TTC39C: variants seen among roughly 807,000 people sequenced by gnomAD.
TTC39C encodes the protein tetratricopeptide repeat domain 39C.
TTC39C carries 33 observed loss-of-function variants against 76.3 expected under a neutral mutation model. The observed-to-expected ratio is 0.43, with a 90% CI of 0.33 to 0.58. The LOEUF (loss-of-function observed/expected upper bound fraction) is 0.58, where lower values mean the gene tolerates loss of function less well. TTC39C is among the 20% of genes least tolerant of loss of function. The probability of loss-of-function intolerance (pLI) is 0.04; values close to 1 mark genes in which losing one functional copy is unlikely to be tolerated. For missense variants in TTC39C, 595 were observed against 701.4 expected, an observed-to-expected ratio of 0.85 and a Z score of 1.71; for synonymous variants, 254 against 260.6, an observed-to-expected ratio of 0.97 and a Z score of 0.24.
chr18:24,113,315 A>G (rs2035271702), intron 6 of TTC39C: 2 of 484,524 alleles, frequency 4.1e-6, no homozygotes, highest in South Asian at 2.8e-5. Flanking sequence ...CTGCTGACTC[A>G]TTGGTGCCCT....
At chr18:24,105,513 C>G (rs1323719350) in intron 6 of TTC39C, among the ~76,000 whole-genome samples, 1 of 152,196 alleles carries the variant, frequency 6.6e-6, no homozygotes, top group African/African-American at 2.4e-5. Flanking sequence ...CATGCCTGCA[C>G]ATACACATAC....
At chr18:24,098,013 C>G (rs1016034188) in intron 6 of TTC39C, among the ~76,000 whole-genome samples, 1 of 152,002 alleles carries the variant, frequency 6.6e-6, no homozygotes, top group Non-Finnish European at 1.5e-5. Flanking sequence ...ATTTTGAAGA[C>G]CCTGCCTATG....
Position 24,014,897 on chromosome 18 carries a change from C to T in TTC39C, c.26C>T (p.Pro9Leu), listed in dbSNP as rs2083431885. 6.7e-7 allele frequency: 1 copy of T among 1,489,792 alleles called. No homozygotes were observed. The highest frequency in any genetic ancestry group is 8.9e-7 in the Non-Finnish European group (1 of 1,120,936). 92.3% of individuals were successfully genotyped at this position (1,489,792 alleles called of 1,614,324 possible). The change falls in exon 1 of 14, where the codon CCG becomes CTG. Residue 9 changes from proline to leucine, a missense_variant. By Grantham distance (98) the Pro-to-Leu change is moderately conservative. Transcript: ENST00000317571. ...ATGGCCGGCTCGGAGCAGCAGCGGC[C>T]GCGGCGGCGGGACGACGGAGACTCG... MAGSEQQR[P>L]RRRDDGDSDA...
intron 1 of TTC39C, among the ~76,000 whole-genome samples, chr18:24,044,214 T>C (rs765194236): frequency 6.6e-6 from 1 of 152,032 alleles, no homozygotes; most frequent in Non-Finnish European, 1.5e-5. Context: ...CTTTCTAGGA[T>C]TTGAATCGGG....
intron 1 of TTC39C, among the ~76,000 whole-genome samples, chr18:24,046,395 G>A (rs2083885875): frequency 6.6e-6 from 1 of 151,730 alleles, no homozygotes; most frequent in Non-Finnish European, 1.5e-5. Flanking sequence ...ATCCACATAA[G>A]GCAGTATAAT....
At chr18:24,075,224 C>T (rs187175851) in intron 4 of TTC39C, among the ~76,000 whole-genome samples, 79 of 151,958 alleles carry the variant, frequency 5.2e-4, no homozygotes, top group Admixed American at 3.1e-3. Context: ...GGGTGCAGCA[C>T]ACCAACATGG....
chr18:24,096,260 A>G (rs2120571), intron 6 of TTC39C, among the ~76,000 whole-genome samples: 76,114 of 152,040 alleles, frequency 0.5, 19,780 homozygotes, highest in Non-Finnish European at 0.57. Flanking sequence ...AAAAAGTGGT[A>G]TCTGTGAAGT....
chr18:24,104,691 T>TGTGC (rs151277522), intron 6 of TTC39C, among the ~76,000 whole-genome samples: 7 of 140,294 alleles, frequency 5.0e-5, no homozygotes, highest in East Asian at 2.1e-4. Flanking sequence ...AGGGTGTTTG[T>TGTGC]GTGTGTGTGT....
At position 24,024,138 on chromosome 18, in the gene TTC39C, G is replaced by A. The variant is rs934404126; in HGVS notation, c.167+9100G>A. Among the ~76,000 whole-genome samples the A allele has an allele frequency of 3.1e-4, 45 of 145,648 alleles. 1 individual carries two copies. The highest frequency in any genetic ancestry group is 8.7e-4 in the African/African-American group (34 of 39,284). ...AGCAATTCTCCTGCCTCAGCCTCCC[G>A]AGTAGCTGGGACTACAGGTGTGTAC... On this transcript the variant is annotated intron_variant, in intron 1 of 13. Coordinates refer to ENST00000317571, the MANE Select transcript of TTC39C (RefSeq NM_001135993.2).
intron 1 of TTC39C, among the ~76,000 whole-genome samples, chr18:23,994,789 T>C (rs2083248121): frequency 6.6e-6 from 1 of 152,150 alleles, no homozygotes; most frequent in South Asian, 2.1e-4. Context: ...AAACTGCAAC[T>C]TGGCTGCACT....
chr18:24,018,878 A>T (rs986151207), intron 1 of TTC39C, among the ~76,000 whole-genome samples: 1 of 152,106 alleles, frequency 6.6e-6, no homozygotes, highest in Non-Finnish European at 1.5e-5. Flanking sequence ...CTTGTTCTGC[A>T]CTTATTTTCT....
At chr18:24,068,058 A>C (rs759198109) in intron 3 of TTC39C, among the ~76,000 whole-genome samples, 1 of 152,214 alleles carries the variant, frequency 6.6e-6, no homozygotes, top group African/African-American at 2.4e-5. Flanking sequence ...TCTACAGTGC[A>C]TAGTAATATG....
Position 24,125,343 on chromosome 18 carries a change from G to A in TTC39C, c.1297-84G>A, listed in dbSNP as rs1010606675. The stretch of plus-strand genomic sequence containing the variant: ...GGGTCATTCACATTGATGATGAACT[G>A]TGTGCTTTTAAAGTGTCTGAGGTAT... On this transcript the variant is annotated intron_variant, in intron 9 of 13. Coordinates refer to ENST00000317571, the MANE Select transcript of TTC39C (RefSeq NM_001135993.2). 6.5e-6 allele frequency: 10 copies of A among 1,530,606 alleles called. No individual in the cohort carries two copies. In the African/African-American group the frequency reaches 6.9e-5, roughly 11 times the overall value. The allele number at this position is 1,530,606 out of a possible 1,614,324, so 94.8% of individuals were successfully genotyped here. A position where few individuals can be genotyped will look rare whatever the true frequency, so the allele number is the denominator to read the frequency against.
chr18:24,055,980 C>CAGTTTGTCA (rs1276522853), intron 1 of TTC39C, among the ~76,000 whole-genome samples: 2 of 152,154 alleles, frequency 1.3e-5, no homozygotes, highest in Non-Finnish European at 1.5e-5. Flanking sequence ...CTCCTTAAAA[C>CAGTTTGTCA]CCATTTTTGA....
chr18:24,044,635 C>T (rs551633215), intron 1 of TTC39C, among the ~76,000 whole-genome samples: 1 of 152,176 alleles, frequency 6.6e-6, no homozygotes, highest in African/African-American at 2.4e-5. Flanking sequence ...AGGTCAGGAC[C>T]GTCAGCCTCC....
intron 6 of TTC39C, among the ~76,000 whole-genome samples, chr18:24,083,529 T>C (rs2084403008): frequency 6.6e-6 from 1 of 152,246 alleles, no homozygotes; most frequent in South Asian, 2.1e-4. Context: ...TTTTATCACA[T>C]TTTCATGTGC....
chr18:24,105,280 A>G (rs186781076), intron 6 of TTC39C, among the ~76,000 whole-genome samples: 2 of 152,294 alleles, frequency 1.3e-5, no homozygotes, highest in East Asian at 3.9e-4. Context: ...TTAAAACAAC[A>G]TGGAAGAATG....
chr18:23,996,235 T>C (rs751092124), intron 1 of TTC39C, among the ~76,000 whole-genome samples: 4 of 152,384 alleles, frequency 2.6e-5, no homozygotes, highest in African/African-American at 9.6e-5. Flanking sequence ...TTTATATCTT[T>C]TGCCCATTTT....
chr18:24,026,109 A>G (rs937832630), intron 1 of TTC39C, among the ~76,000 whole-genome samples: 1 of 152,158 alleles, frequency 6.6e-6, no homozygotes, highest in Admixed American at 6.5e-5. Flanking sequence ...ATGTGGATGG[A>G]GAACTACTGA....
Sources: gnomAD v4.1 joint callset for allele counts (sites outside exome capture counted in the v4.1 genomes callset) on GRCh38, gnomAD v4.1.1 for gene constraint, MANE v1.5 for transcripts, NCBI Gene and HGNC (gene_info 2026-07-23, HGNC 2026-07-21) for gene names.